PCDHGB7: variants seen among roughly 807,000 people sequenced by gnomAD.
PCDHGB7 encodes protocadherin gamma subfamily B, 7, also known as protocadherin gamma-B7.
Under a neutral mutation model 61.4 loss-of-function variants are expected in PCDHGB7, and 37 were observed. The observed-to-expected ratio is 0.60, with a 90% CI of 0.46 to 0.79. The LOEUF is 0.79. Among genes scored for constraint, PCDHGB7 ranks in the 30% least tolerant of loss-of-function variants. PCDHGB7 has a pLI of 0.00. For synonymous variants in PCDHGB7, 464 were observed against 503.5 expected (o/e 0.92, Z 1.05); for missense variants, 1,166 against 1,202.5 (o/e 0.97, Z 0.45).
rs778198822 is a variant in PCDHGB7, at chr5:141,432,802, A to C, written c.2415+12528A>C. 6.2e-7 allele frequency: 1 copy of C among 1,614,082 alleles called. No homozygotes were observed. The highest frequency in any genetic ancestry group is 1.1e-5 in the South Asian group (1 of 91,076). The stretch of plus-strand genomic sequence containing the variant: ...CGGACCTCGGCAGCCTCGAGTCTCC[A>C]GCTAACTCTGAAACCTCAGACCTCA... On this transcript the variant is annotated intron_variant, in intron 1 of 3. Transcript: ENST00000398594. This position sits in a 1 kb window ranked among gnomAD's most constrained non-coding sequence, Gnocchi z 6.0.
chr5:141,423,983 C>T, intron 1 of PCDHGB7: 5 of 1,107,052 alleles, frequency 4.5e-6, no homozygotes, highest in Non-Finnish European at 5.6e-6. Context: ...GTATGAGGCT[C>T]TCAATTTATT....
At chr5:141,429,726 C>T (rs931967000) in intron 1 of PCDHGB7, among the ~76,000 whole-genome samples, 23 of 152,068 alleles carry the variant, frequency 1.5e-4, no homozygotes, top group Admixed American at 1.3e-4. Flanking sequence ...CATGAAAGTA[C>T]GTAGCCAGTT....
At position 141,489,635 on chromosome 5, in the gene PCDHGB7, G is replaced by A. The variant is rs1380466520; in HGVS notation, c.2416-5172G>A. On this transcript the variant is annotated intron_variant, in intron 1 of 3. Coordinates refer to ENST00000398594, the MANE Select transcript of PCDHGB7 (RefSeq NM_018927.4). The surrounding 1 kb of genome is among the most constrained non-coding windows in gnomAD (Gnocchi z 4.5). Reference sequence around the variant, plus strand: ...CTGGATCTCAATGACAACTCTCCTAGCTTTGCCACCCCTGAGCGAGAGATG... The same window carrying A: ...CTGGATCTCAATGACAACTCTCCTAACTTTGCCACCCCTGAGCGAGAGATG... 6.2e-7 allele frequency: 1 copy of A among 1,614,142 alleles called. No individual in the cohort carries two copies. The highest frequency in any genetic ancestry group is 8.5e-7 in the Non-Finnish European group (1 of 1,180,012).
chr5:141,460,834 A>G (rs757757290), intron 1 of PCDHGB7, among the ~76,000 whole-genome samples: 11 of 151,874 alleles, frequency 7.2e-5, no homozygotes, highest in Non-Finnish European at 1.3e-4. Context: ...CACTTAAAGT[A>G]ATGGCCTCCA....
intron 3 of PCDHGB7, among the ~76,000 whole-genome samples, chr5:141,509,841 C>T (rs546036990): frequency 2.0e-5 from 3 of 152,326 alleles, no homozygotes; most frequent in African/African-American, 7.2e-5. Context: ...ACCTCCCATT[C>T]ACTCAGAACA....
intron 2 of PCDHGB7, among the ~76,000 whole-genome samples, chr5:141,503,596 C>T (rs1267014587): frequency 7.7e-6 from 1 of 129,694 alleles, no homozygotes; most frequent in African/African-American, 3.3e-5. Context: ...GAGACTCCAG[C>T]TCAAAAAAAA....
intron 1 of PCDHGB7, among the ~76,000 whole-genome samples, chr5:141,455,315 T>G (rs1416163436): frequency 6.6e-6 from 1 of 152,152 alleles, no homozygotes; most frequent in Non-Finnish European, 1.5e-5. Context: ...TTAGCAATTT[T>G]GTGTGTGTGT....
intron 3 of PCDHGB7, among the ~76,000 whole-genome samples, 153 bp from the exon 4 acceptor site, chr5:141,510,790 GAAGA>G (rs982513431): frequency 6.6e-5 from 10 of 152,264 alleles, no homozygotes; most frequent in African/African-American, 2.4e-4. Context: ...CAACTCTTGT[GAAGA>G]GAGACTACCT....
intron 1 of PCDHGB7, chr5:141,441,809 C>A: frequency 2.7e-6 from 1 of 373,176 alleles, no homozygotes; most frequent in East Asian, 9.0e-5. Context: ...GGGTGCTGTA[C>A]CCCAGCTCTG....
chr5:141,423,758 G>C lies in PCDHGB7; in HGVS notation c.2415+3484G>C, dbSNP rs1192987646. 54 of 366,760 alleles carry C rather than the reference G, an allele frequency of 1.5e-4. 3 individuals carry two copies. The highest frequency in any genetic ancestry group is 1.4e-4 in the Non-Finnish European group (36 of 259,732). 22.7% of individuals were successfully genotyped at this position (366,760 alleles called of 1,614,324 possible). A position where few individuals can be genotyped will look rare whatever the true frequency, so the allele number is the denominator to read the frequency against. Reference sequence around the variant, plus strand: ...CTGTTATGAAAACTGTTTGGGGGGGGGGTGGGGCGGCATATATTTAGTTCA... The same window carrying C: ...CTGTTATGAAAACTGTTTGGGGGGGCGGTGGGGCGGCATATATTTAGTTCA... On this transcript the variant is annotated intron_variant, in intron 1 of 3. Transcript: ENST00000398594.
rs1316573600 is a variant in PCDHGB7 at position 141,490,443 on chromosome 5, G to A, written c.2416-4364G>A. The A allele has an allele frequency of 1.2e-6, 2 of 1,614,174 alleles. No individual in the cohort carries two copies. Among genetic ancestry groups the A allele is most frequent in the Non-Finnish European group, 8.5e-7 (1 of 1,180,042 alleles). On this transcript the variant is annotated intron_variant, in intron 1 of 3. Coordinates refer to ENST00000398594, the MANE Select transcript of PCDHGB7 (RefSeq NM_018927.4). The surrounding 1 kb of genome is among the most constrained non-coding windows in gnomAD (Gnocchi z 5.4). ...TGCCATTTCAGATTAAGCCTTCTGA[G>A]AACCACTACTCGCTGCTAACCAGCC...
chr5:141,449,630 T>G (rs1006977026), intron 1 of PCDHGB7, among the ~76,000 whole-genome samples: 2 of 150,024 alleles, frequency 1.3e-5, no homozygotes, highest in Non-Finnish European at 3.0e-5. Flanking sequence ...TTTAAAAAGA[T>G]GTATCTATAT....
intron 1 of PCDHGB7, among the ~76,000 whole-genome samples, chr5:141,454,170 G>A (rs2098782662): frequency 6.6e-6 from 1 of 152,162 alleles, no homozygotes; most frequent in Admixed American, 6.5e-5. Context: ...TCTCTAGAAG[G>A]GCAGCTAAAG....
rs753845173 is a variant in PCDHGB7, at chr5:141,490,873, C to T, written c.2416-3934C>T. On this transcript the variant is annotated intron_variant, in intron 1 of 3. Coordinates refer to ENST00000398594, the MANE Select transcript of PCDHGB7 (RefSeq NM_018927.4). The surrounding 1 kb of genome is among the most constrained non-coding windows in gnomAD (Gnocchi z 5.4). Reference sequence around the variant, plus strand: ...TCGAGACTCCGGCTCTCCCCCATTGCATGCCAACACATCTCTGCATGTGTT... The same window carrying T: ...TCGAGACTCCGGCTCTCCCCCATTGTATGCCAACACATCTCTGCATGTGTT... 5.6e-6 allele frequency: 9 copies of T among 1,613,884 alleles called. No homozygotes were observed. The highest frequency in any genetic ancestry group is 7.6e-6 in the Non-Finnish European group (9 of 1,179,908).
Position 141,486,151 on chromosome 5 carries a change from T to C in PCDHGB7, c.2416-8656T>C, listed in dbSNP as rs570065848. The C allele has an allele frequency of 2.7e-5, 44 of 1,613,914 alleles. No individual in the cohort carries two copies. In the South Asian group the frequency reaches 4.3e-4, roughly 16 times the overall value. ...TTGATGTGCGGGCTCGCGATGGGGGTTCTCCAGCCATGGAGCAACATTGCA... is the reference window on the plus strand; with the variant it reads ...TTGATGTGCGGGCTCGCGATGGGGGCTCTCCAGCCATGGAGCAACATTGCA... On this transcript the variant is annotated intron_variant, in intron 1 of 3. Transcript: ENST00000398594. The surrounding 1 kb of genome is among the most constrained non-coding windows in gnomAD (Gnocchi z 5.0).
intron 1 of PCDHGB7, chr5:141,433,227 T>C (rs1178649427): frequency 6.5e-6 from 10 of 1,528,034 alleles, no homozygotes; most frequent in Non-Finnish European, 8.9e-6. Context: ...TTTTAATTGC[T>C]CTGTCTCCCA....
chr5:141,462,431 T>G (rs1345184304), intron 1 of PCDHGB7, among the ~76,000 whole-genome samples: 1 of 152,246 alleles, frequency 6.6e-6, no homozygotes, highest in East Asian at 1.9e-4. Context: ...TGGTGAGTGT[T>G]GCTTACACAC....
At chr5:141,436,256 C>T (rs953463822) in intron 1 of PCDHGB7, among the ~76,000 whole-genome samples, 1 of 152,100 alleles carries the variant, frequency 6.6e-6, no homozygotes, top group South Asian at 2.1e-4. Context: ...TTATTCTGAC[C>T]TCTGCTCACC....
chr5:141,460,686 C>A (rs2098995566), intron 1 of PCDHGB7, among the ~76,000 whole-genome samples: 1 of 151,698 alleles, frequency 6.6e-6, no homozygotes, highest in Admixed American at 6.6e-5. Context: ...TCTATATATC[C>A]ACCAACAGTT....
Sources: allele counts gnomAD v4.1 joint callset (sites outside exome capture counted in the v4.1 genomes callset), GRCh38; gene constraint gnomAD v4.1.1; non-coding constraint Gnocchi (gnomAD v3.1); transcripts MANE v1.5; gene names NCBI Gene and HGNC (gene_info 2026-07-23, HGNC 2026-07-21).